The following COL16A1 variants were observed in gnomAD, a reference collection of about 807,000 sequenced individuals.
The protein encoded by COL16A1 is collagen type XVI alpha 1 chain.
In COL16A1, 189 loss-of-function variants were observed where a neutral mutation model predicts 266.3. That is an observed-to-expected ratio of 0.71 (90% CI 0.63 to 0.80). COL16A1 has a LOEUF of 0.80. COL16A1 is among the 30% of genes least tolerant of loss of function. The pLI is 0.00. For synonymous variants in COL16A1, 740 were observed against 782.3 expected, an observed-to-expected ratio of 0.95 and a Z score of 0.90; for missense variants, 1,928 against 2,122.4, an observed-to-expected ratio of 0.91 and a Z score of 1.80.
At position 31,662,381 on chromosome 1, in the gene COL16A1, C is replaced by T. The variant is rs542852379; in HGVS notation, c.3634G>A (p.Ala1212Thr). The T allele has an allele frequency of 5.6e-6, 9 of 1,612,312 alleles. No homozygotes were observed. Among genetic ancestry groups the T allele is most frequent in the South Asian group, 3.3e-5 (3 of 90,578 alleles). The change falls in exon 58 of 71, where the codon GCC (alanine) becomes ACC (threonine). Residue 1212 changes from alanine (A) to threonine (T), a missense_variant. Ala to Thr is a moderately conservative substitution (Grantham distance 58). Transcript: ENST00000373672. ...PPGPPGIQGP[A>T]GLDGLDGKDG... ...TTCCCATCCAAACCATCCAGACCGG[C>T]GGGGCCCTGGAAACAGGAAAGAGGC...
Position 31,675,014 on chromosome 1 carries a change from AGGTGCTGTTCAATT to A in COL16A1, c.2838_2851del (p.Ile947ProfsTer2). ...TCCTGGGTACCCTCTTACCTTAAGG[AGGTGCTGTTCAATT>A]GGTAAGGATCCCTGCAAGAGACAGA... is the stretch of plus-strand genomic sequence containing the variant. On this transcript the variant is annotated frameshift_variant, in exon 44 of 71. Coordinates refer to ENST00000373672, the MANE Select transcript of COL16A1 (RefSeq NM_001856.4). LOFTEE classifies it high-confidence loss of function. The A allele has an allele frequency of 1.2e-6, 2 of 1,612,774 alleles. No individual in the cohort carries two copies. The highest frequency in any genetic ancestry group is 8.5e-7 in the Non-Finnish European group (1 of 1,179,398).
At chr1:31,675,123 G>T in intron 43 of COL16A1, 84 bp from the exon 44 acceptor site, 1 of 1,610,158 alleles carries the variant, frequency 6.2e-7, no homozygotes, top group African/African-American at 1.3e-5. Flanking sequence ...CTTGGGACAC[G>T]TCATGCACCT....
At position 31,689,995 on chromosome 1, in the gene COL16A1, TG is replaced by T. The variant is rs1644185053; in HGVS notation, c.1510-145del. ...TCAAAGTGGACAGCAGGAATGCCGC[TG>T]GGGCTTCCTGTTCAACTGACTCATT... On this transcript the variant is annotated intron_variant, in intron 22 of 70. Coordinates refer to ENST00000373672, the MANE Select transcript of COL16A1 (RefSeq NM_001856.4). The T allele has an allele frequency of 7.4e-6, 5 of 676,170 alleles. No individual in the cohort carries two copies. In the Admixed American group the frequency reaches 1.4e-4, roughly 19 times the overall value. The allele number at this position is 676,170 out of a possible 1,614,324, so 41.9% of individuals were successfully genotyped here.
At chr1:31,659,162 C>G (rs1641429630) in intron 62 of COL16A1, among the ~76,000 whole-genome samples, 198 bp from the exon 63 acceptor site, 1 of 152,212 alleles carries the variant, frequency 6.6e-6, no homozygotes, top group South Asian at 2.1e-4. Context: ...CCTGGGCACA[C>G]AGGACCCTCC....
Position 31,697,790 on chromosome 1 carries a change from G to T in COL16A1, c.657+116C>A. 1 of 1,284,456 alleles carries T rather than the reference G, an allele frequency of 7.8e-7. No individual in the cohort carries two copies. The highest frequency in any genetic ancestry group is 1.1e-6 in the Non-Finnish European group (1 of 936,314). The allele number at this position is 1,284,456 out of a possible 1,614,324, so 79.6% of individuals were successfully genotyped here. On this transcript the variant is annotated intron_variant, in intron 6 of 70. Transcript: ENST00000373672. The surrounding 1 kb of genome is among the most constrained non-coding windows in gnomAD (Gnocchi z 4.2). ...TTTAGGCTGCATTTGGAGGGCAACAGGAAAGCAGGGGAAGATTCTAAGCAG... is the reference window on the plus strand; with the variant it reads ...TTTAGGCTGCATTTGGAGGGCAACATGAAAGCAGGGGAAGATTCTAAGCAG...
intron 12 of COL16A1, chr1:31,693,362 C>T (rs1644363231): frequency 1.7e-6 from 1 of 590,512 alleles, no homozygotes; most frequent in African/African-American, 1.9e-5. Flanking sequence ...TGCCCTCCCA[C>T]CCCAAGATGC....
intron 34 of COL16A1, 118 bp downstream of exon 34, chr1:31,683,589 A>G: frequency 4.4e-6 from 7 of 1,595,442 alleles, no homozygotes; most frequent in Non-Finnish European, 6.0e-6. Flanking sequence ...CTGGTCCCAG[A>G]ACTAAGTCCT....
In COL16A1 at chr1:31,656,092, G is replaced by A; in HGVS notation, c.4101+308C>T. Reference sequence around the variant, plus strand: ...GAGCACCTATTGTTCAGGGACCTCTGTTTACCTGAGGCCAGGACAAGGGCC... The same window carrying A: ...GAGCACCTATTGTTCAGGGACCTCTATTTACCTGAGGCCAGGACAAGGGCC... On this transcript the variant is annotated intron_variant, in intron 66 of 70. Transcript: ENST00000373672. The surrounding 1 kb of genome is among the most constrained non-coding windows in gnomAD (Gnocchi z 4.2). The A allele has an allele frequency of 2.2e-6, 1 of 456,294 alleles. No homozygotes were observed. Among genetic ancestry groups the A allele is most frequent in the Non-Finnish European group, 3.9e-6 (1 of 253,608 alleles). 28.3% of individuals were successfully genotyped at this position (456,294 alleles called of 1,614,324 possible).
At chr1:31,679,480 C>T (rs1419076359) in intron 42 of COL16A1, 152 bp downstream of exon 42, 2 of 1,613,002 alleles carry the variant, frequency 1.2e-6, no homozygotes, top group Non-Finnish European at 8.5e-7. Context: ...GCCCTCCTTG[C>T]CACCCTGGGA....
Position 31,653,995 on chromosome 1 carries a change from G to A in COL16A1, c.4406C>T (p.Ala1469Val), listed in dbSNP as rs773918659. Reference protein sequence around the residue: ...TSRMQFPMEMAAAPGRPGPPG... With the variant: ...TSRMQFPMEMVAAPGRPGPPG... Reference sequence around the variant, plus strand: ...AGGCCCTGGTCGTCCCGGAGCTGCCGCCATCTCCATGGGGAACTGCATCCT... The same window carrying A: ...AGGCCCTGGTCGTCCCGGAGCTGCCACCATCTCCATGGGGAACTGCATCCT... The change falls in exon 69 of 71, where the codon GCG (alanine) becomes GTG (valine). Residue 1469 changes from alanine to valine, a missense_variant. This residue lies in a region of COL16A1 where 376 missense variants were observed against 485.2 expected (regional missense o/e 0.77). Transcript: ENST00000373672. The A allele has an allele frequency of 2.4e-5, 39 of 1,614,152 alleles. No individual in the cohort carries two copies. Among genetic ancestry groups the A allele is most frequent in the Middle Eastern group, 1.7e-4 (1 of 6,060 alleles).
Position 31,697,779 on chromosome 1 carries a change from G to T in COL16A1, c.657+127C>A. ...AGGTGAATATGTTTAGGCTGCATTTGGAGGGCAACAGGAAAGCAGGGGAAG... is the reference window on the plus strand; with the variant it reads ...AGGTGAATATGTTTAGGCTGCATTTTGAGGGCAACAGGAAAGCAGGGGAAG... On this transcript the variant is annotated intron_variant, in intron 6 of 70. Coordinates refer to ENST00000373672, the MANE Select transcript of COL16A1 (RefSeq NM_001856.4). This position sits in a 1 kb window ranked among gnomAD's most constrained non-coding sequence, Gnocchi z 4.2. 8.6e-7 allele frequency: 1 copy of T among 1,168,268 alleles called. No individual in the cohort carries two copies. Among genetic ancestry groups the T allele is most frequent in the Non-Finnish European group, 1.2e-6 (1 of 831,116 alleles). 72.4% of individuals were successfully genotyped at this position (1,168,268 alleles called of 1,614,324 possible). A position where few individuals can be genotyped will look rare whatever the true frequency, so the allele number is the denominator to read the frequency against.
chr1:31,690,451 G>C, intron 21 of COL16A1, 58 bp from the exon 22 acceptor site: 1 of 1,614,190 alleles, frequency 6.2e-7, no homozygotes, highest in Non-Finnish European at 8.5e-7. Flanking sequence ...TGTGCCAACT[G>C]AGGGCCGGAG....
In COL16A1 at chr1:31,668,101, C is replaced by G; in HGVS notation, c.3303+64G>C. The G allele has an allele frequency of 6.8e-7, 1 of 1,472,334 alleles. No homozygotes were observed. The highest frequency in any genetic ancestry group is 9.4e-7 in the Non-Finnish European group (1 of 1,068,580). The allele number at this position is 1,472,334 out of a possible 1,614,324, so 91.2% of individuals were successfully genotyped here. ...GAGGGTTGCCCAGCCTGGCTGTGTC[C>G]TGACCACCAGCCCAAACCTCTGGTA... On this transcript the variant is annotated intron_variant, in intron 51 of 70. Coordinates refer to ENST00000373672, the MANE Select transcript of COL16A1 (RefSeq NM_001856.4). This position sits in a 1 kb window ranked among gnomAD's most constrained non-coding sequence, Gnocchi z 5.8.
intron 70 of COL16A1, 40 bp downstream of exon 70, chr1:31,653,559 C>T (rs772121279): frequency 5.8e-5 from 93 of 1,593,054 alleles, no homozygotes; most frequent in Non-Finnish European, 7.4e-5. Context: ...GGGGTCTCTG[C>T]TGCTCTGGAT....
At chr1:31,677,812 G>C (rs1643313071) in intron 42 of COL16A1, among the ~76,000 whole-genome samples, 1 of 152,194 alleles carries the variant, frequency 6.6e-6, no homozygotes, top group Non-Finnish European at 1.5e-5. Context: ...CTCAAGCACT[G>C]GCACTAGGTA....
intron 4 of COL16A1, among the ~76,000 whole-genome samples, chr1:31,699,496 A>G (rs1644639411): frequency 6.6e-6 from 1 of 152,238 alleles, no homozygotes. Flanking sequence ...ATGTGCGCAC[A>G]CACACACATG....
At position 31,670,695 on chromosome 1, in the gene COL16A1, G is replaced by T; in HGVS notation, c.3151-49C>A. 1 of 1,401,394 alleles carries T rather than the reference G, an allele frequency of 7.1e-7. No homozygotes were observed. Among genetic ancestry groups the T allele is most frequent in the South Asian group, 1.6e-5 (1 of 61,692 alleles). 86.8% of individuals were successfully genotyped at this position (1,401,394 alleles called of 1,614,324 possible). On this transcript the variant is annotated intron_variant, in intron 48 of 70. Transcript: ENST00000373672. This position sits in a 1 kb window ranked among gnomAD's most constrained non-coding sequence, Gnocchi z 4.5. ...ACATCTCACAGGCACAGTAACCCTGGGACAGCCTGGAGGGCACAGTCTGGG... is the reference window on the plus strand; with the variant it reads ...ACATCTCACAGGCACAGTAACCCTGTGACAGCCTGGAGGGCACAGTCTGGG...
intron 37 of COL16A1, among the ~76,000 whole-genome samples, chr1:31,682,727 G>A (rs1459378211): frequency 6.6e-6 from 1 of 152,172 alleles, no homozygotes; most frequent in Non-Finnish European, 1.5e-5. Flanking sequence ...CATGATCACT[G>A]CTCAAAAAAT....
Position 31,698,595 on chromosome 1 carries a change from G to A in COL16A1, c.278C>T (p.Pro93Leu). ...PVTQPTRRVFPRGLPEEFALV... is the reference protein window; with the variant it reads ...PVTQPTRRVFLRGLPEEFALV... ...GGCAAACTCCTCCGGGAGACCCCGA[G>A]GGAATACTCTTCTGGAGATGGAGCA... The change falls in exon 5 of 71, where the codon CCT (proline) becomes CTT (leucine). Residue 93 changes from proline to leucine, a missense_variant. By Grantham distance (98) the Pro-to-Leu change is moderately conservative. This residue lies in a region of COL16A1 where 1,552 missense variants were observed against 1,637.2 expected (regional missense o/e 0.95). Coordinates refer to ENST00000373672, the MANE Select transcript of COL16A1 (RefSeq NM_001856.4). The surrounding 1 kb of genome is among the most constrained non-coding windows in gnomAD (Gnocchi z 4.1). 1 of 1,613,960 alleles carries A rather than the reference G, an allele frequency of 6.2e-7. No individual in the cohort carries two copies. The highest frequency in any genetic ancestry group is 8.5e-7 in the Non-Finnish European group (1 of 1,179,984).
Sources: allele counts gnomAD v4.1 joint callset (sites outside exome capture counted in the v4.1 genomes callset), GRCh38; gene constraint gnomAD v4.1.1; regional missense constraint gnomAD v4.1.1; non-coding constraint Gnocchi (gnomAD v3.1); transcripts MANE v1.5; gene names NCBI Gene and HGNC (gene_info 2026-07-23, HGNC 2026-07-21).